The following MALRD1 variants were observed in gnomAD, a reference collection of about 807,000 sequenced individuals.
The protein encoded by MALRD1 is MAM and LDL-receptor class A domain-containing protein 1.
MALRD1 carries 247 observed loss-of-function variants against 242.1 expected under a neutral mutation model. That is an observed-to-expected ratio of 1.02 (90% CI 0.92 to 1.13). The LOEUF (loss-of-function observed/expected upper bound fraction) is 1.13. MALRD1 is among the 50% of genes most tolerant of loss of function. MALRD1 has a pLI of 0.00. For missense variants in MALRD1, 2,989 were observed against 2,533.1 expected, an observed-to-expected ratio of 1.18 and a Z score of -3.86; for synonymous variants, 995 against 866.6, an observed-to-expected ratio of 1.15 and a Z score of -2.60.
At chr10:19,660,699 G>A (rs981784572) in intron 36 of MALRD1, among the ~76,000 whole-genome samples, 2 of 152,154 alleles carry the variant, frequency 1.3e-5, no homozygotes, top group African/African-American at 2.4e-5. Flanking sequence ...TAATAAAATA[G>A]CATGTGTCAA....
In MALRD1 at chr10:19,517,152, A is replaced by C. The variant is rs574787110; in HGVS notation, c.5321-14042A>C. Among the ~76,000 whole-genome samples, 6 of 152,336 alleles carry C rather than the reference A, an allele frequency of 3.9e-5. No homozygotes were observed. In the South Asian group the frequency reaches 1.0e-3, roughly 26 times the overall value. On this transcript the variant is annotated intron_variant, in intron 31 of 39. Coordinates refer to ENST00000454679, the MANE Select transcript of MALRD1 (RefSeq NM_001142308.3). ...GATCCTAATATCAATTGGATAGATT[A>C]AGACTGTAGACTTTTGGGGGCTTGA...
At chr10:19,447,266 A>C (rs1835049001) in intron 28 of MALRD1, among the ~76,000 whole-genome samples, 1 of 152,190 alleles carries the variant, frequency 6.6e-6, no homozygotes, top group Non-Finnish European at 1.5e-5. Flanking sequence ...AAGTTTGCTG[A>C]ATAAAGGAAT....
chr10:19,232,341 ATTT>A (rs34888584), intron 18 of MALRD1, among the ~76,000 whole-genome samples: 6 of 137,772 alleles, frequency 4.4e-5, no homozygotes, highest in Non-Finnish European at 4.8e-5. Context: ...TAATTTTTGT[ATTT>A]TTTTTTTTTT....
chr10:19,709,742 A>G (rs1037188372), intron 38 of MALRD1, among the ~76,000 whole-genome samples: 2 of 152,200 alleles, frequency 1.3e-5, no homozygotes, highest in African/African-American at 4.8e-5. Flanking sequence ...GAAAGAGTTA[A>G]TGCTCATTTT....
chr10:19,162,707 G>A (rs1439029740), intron 12 of MALRD1, among the ~76,000 whole-genome samples: 2 of 152,288 alleles, frequency 1.3e-5, no homozygotes, highest in East Asian at 1.9e-4. Flanking sequence ...CTTATACACT[G>A]TTGATAGGAG....
chr10:19,715,596 T>C (rs905283189), intron 38 of MALRD1, among the ~76,000 whole-genome samples: 1 of 151,652 alleles, frequency 6.6e-6, no homozygotes, highest in African/African-American at 2.4e-5. Context: ...CAGTGCTTAG[T>C]AGAACAAAGC....
chr10:19,233,668 G>A (rs1413105266), intron 18 of MALRD1, among the ~76,000 whole-genome samples: 1 of 151,926 alleles, frequency 6.6e-6, no homozygotes, highest in Non-Finnish European at 1.5e-5. Flanking sequence ...ATGTGTTAAG[G>A]TGAAAAATTG....
intron 19 of MALRD1, among the ~76,000 whole-genome samples, chr10:19,273,286 C>T (rs1840347234): frequency 6.6e-6 from 1 of 152,078 alleles, no homozygotes; most frequent in Non-Finnish European, 1.5e-5. Flanking sequence ...ACGTTCATTG[C>T]TGGTAGAAAT....
At chr10:19,366,705 C>T (rs988616552) in intron 26 of MALRD1, among the ~76,000 whole-genome samples, 4 of 152,086 alleles carry the variant, frequency 2.6e-5, no homozygotes, top group African/African-American at 7.2e-5. Context: ...AACCATTAGA[C>T]CTTGTGCATT....
intron 36 of MALRD1, among the ~76,000 whole-genome samples, chr10:19,642,153 T>C (rs1840416192): frequency 1.3e-5 from 2 of 152,290 alleles, no homozygotes; most frequent in South Asian, 2.1e-4. Context: ...ATTTTGCTTG[T>C]TAGTTTATGC....
At chr10:19,457,705 C>T (rs531491948) in intron 29 of MALRD1, among the ~76,000 whole-genome samples, 6 of 148,866 alleles carry the variant, frequency 4.0e-5, no homozygotes, top group Admixed American at 3.4e-4. Flanking sequence ...CTGGGTTGGT[C>T]CAAGGCCACA....
At chr10:19,123,341 A>C (rs56274301) in intron 5 of MALRD1, among the ~76,000 whole-genome samples, 151 bp from the exon 6 acceptor site, 5 of 149,014 alleles carry the variant, frequency 3.4e-5, no homozygotes, top group African/African-American at 1.3e-4. Flanking sequence ...GAGAGAGAGA[A>C]AGAGATAGGG....
At chr10:19,287,639 A>G (rs1841191230) in intron 21 of MALRD1, among the ~76,000 whole-genome samples, 1 of 152,070 alleles carries the variant, frequency 6.6e-6, no homozygotes, top group Non-Finnish European at 1.5e-5. Context: ...AGTAGGGAAA[A>G]TGATTGATAT....
chr10:19,184,892 C>A (rs1180140121), intron 14 of MALRD1, among the ~76,000 whole-genome samples: 1 of 152,110 alleles, frequency 6.6e-6, no homozygotes, highest in Non-Finnish European at 1.5e-5. Flanking sequence ...CCAAATGTTT[C>A]CCCAAAACAT....
At chr10:19,554,019 A>G (rs1835605245) in intron 32 of MALRD1, among the ~76,000 whole-genome samples, 1 of 152,222 alleles carries the variant, frequency 6.6e-6, no homozygotes, top group Non-Finnish European at 1.5e-5. Context: ...TAAGCAAAAC[A>G]TACAAAATCC....
At chr10:19,696,148 G>A (rs570726263) in intron 38 of MALRD1, among the ~76,000 whole-genome samples, 81 of 152,192 alleles carry the variant, frequency 5.3e-4, no homozygotes, top group African/African-American at 1.9e-3. Context: ...CTGCATGAAG[G>A]AACTCTGCAG....
intron 18 of MALRD1, 91 bp from the exon 19 acceptor site, chr10:19,257,593 A>C (rs186566774): frequency 6.1e-4 from 616 of 1,008,100 alleles, no homozygotes; most frequent in Admixed American, 9.5e-4. Context: ...ATTTGGGTAC[A>C]TTTTAAATTC....
At chr10:19,268,704 A>G (rs759854473) in intron 19 of MALRD1, among the ~76,000 whole-genome samples, 7 of 152,204 alleles carry the variant, frequency 4.6e-5, no homozygotes, top group Non-Finnish European at 8.8e-5. Context: ...AGAGATGTTA[A>G]AATGTTGGTT....
intron 11 of MALRD1, among the ~76,000 whole-genome samples, chr10:19,148,785 AAAAAT>A (rs1177985827): frequency 2.0e-4 from 16 of 79,974 alleles, no homozygotes; most frequent in African/African-American, 3.9e-4. Context: ...AAAAAAAAAA[AAAAAT>A]ATATATATAT....
Sources: allele counts gnomAD v4.1 joint callset (sites outside exome capture counted in the v4.1 genomes callset), GRCh38; gene constraint gnomAD v4.1.1; transcripts MANE v1.5; gene names NCBI Gene and HGNC (gene_info 2026-07-23, HGNC 2026-07-21).